The following ADGRF1 variants were observed in gnomAD, a reference collection of about 807,000 sequenced individuals.
ADGRF1 encodes the protein G protein-coupled receptor 110.
ADGRF1 carries 85 observed loss-of-function variants against 87.2 expected under a neutral mutation model. The ratio of observed to expected loss-of-function variants is 0.97; its 90% CI spans 0.82 to 1.17. The LOEUF is 1.17. Ranked by LOEUF, ADGRF1 falls within the 50% of genes most tolerant of loss-of-function variation. ADGRF1 has a pLI of 0.00. For synonymous variants in ADGRF1, 430 were observed against 408.8 expected, an observed-to-expected ratio of 1.05 and a Z score of -0.63; for missense variants, 1,169 against 1,077.2, an observed-to-expected ratio of 1.09 and a Z score of -1.19.
intron 4 of ADGRF1, 52 bp downstream of exon 4, chr6:47,025,802 T>A (rs575869950): frequency 6.6e-6 from 10 of 1,504,732 alleles, no homozygotes; most frequent in Non-Finnish European, 7.2e-6. Context: ...CTAGCCTGAC[T>A]GATATACCCG....
chr6:47,013,179 G>T, intron 9 of ADGRF1: 4 of 985,456 alleles, frequency 4.1e-6, no homozygotes, highest in Non-Finnish European at 4.8e-6. Context: ...TCAACATTAA[G>T]TCCACTCAGG....
chr6:47,009,428 G>C lies in ADGRF1; in HGVS notation c.2007C>G (p.Leu669=), dbSNP rs1779628943. 6.2e-7 allele frequency: 1 copy of C among 1,613,824 alleles called. No individual in the cohort carries two copies. Among genetic ancestry groups the C allele is most frequent in the South Asian group, 1.1e-5 (1 of 91,038 alleles). The part of the protein sequence containing the change: ...AAVFFTHFFY[L]SLFFWMLMLG... The stretch of plus-strand genomic sequence containing the variant: ...GCATGAGCATCCAGAAGAACAAAGA[G>C]AGGTAGAAGAAGTGTGTAAAGAACA... The change falls in exon 11 of 15, where the codon CTC becomes CTG. Residue 669 remains leucine (L), a synonymous_variant. Coordinates refer to ENST00000371253, the MANE Select transcript of ADGRF1 (RefSeq NM_153840.4).
intron 7 of ADGRF1, chr6:47,020,501 TCA>T: frequency 1.6e-6 from 2 of 1,285,182 alleles, no homozygotes; most frequent in Non-Finnish European, 2.1e-6. Context: ...TGACATTCTG[TCA>T]AAAAAAAAAA....
In ADGRF1 at chr6:47,009,291, A is replaced by G; in HGVS notation, c.2144T>C (p.Val715Ala). ...AGGTTGCGTGACAGCAATGGTAATG[A>G]CAGATATAATGAGAGGGCACCCATA... The part of the protein sequence containing the change: ...LGYGCPLIIS[V>A]ITIAVTQPSN... The change falls in exon 11 of 15, where the codon GTC becomes GCC. Residue 715 changes from valine to alanine, a missense_variant. Coordinates refer to ENST00000371253, the MANE Select transcript of ADGRF1 (RefSeq NM_153840.4). 6.2e-7 allele frequency: 1 copy of G among 1,614,178 alleles called. No homozygotes were observed. Among genetic ancestry groups the G allele is most frequent in the Non-Finnish European group, 8.5e-7 (1 of 1,180,016 alleles).
At chr6:47,030,576 A>ATGTGTGTTTGTG (rs1554137362) in intron 1 of ADGRF1, among the ~76,000 whole-genome samples, 1 of 138,464 alleles carries the variant, frequency 7.2e-6, no homozygotes, top group Non-Finnish European at 1.6e-5. Context: ...TAACATGAAT[A>ATGTGTGTTTGTG]TGTGTGTGTG....
chr6:47,022,850 G>A (rs921111917), intron 5 of ADGRF1, among the ~76,000 whole-genome samples: 3 of 138,206 alleles, frequency 2.2e-5, no homozygotes, highest in African/African-American at 8.4e-5. Flanking sequence ...TTGTCACCTA[G>A]GCTAGTGTGC....
Position 47,010,263 on chromosome 6 carries a change from G to C in ADGRF1, c.1172C>G (p.Thr391Arg), listed in dbSNP as rs570294927. Residue 391 changes from threonine (T) to arginine (R), a missense_variant, in exon 11 of 15, where the codon ACA becomes AGA. Transcript: ENST00000371253. ...ATACTTTTCTTCCCGCAGTAAGACT[G>C]TCCAGTTGGTTACTGAGGCTGAATT... is the stretch of plus-strand genomic sequence containing the variant. ...ILNSASVTNW[T>R]VLLREEKYAS... is the part of the protein sequence containing the mutation. 89 of 1,613,602 alleles carry C rather than the reference G, an allele frequency of 5.5e-5. No individual in the cohort carries two copies. In the Admixed American group the frequency reaches 1.1e-3, roughly 20 times the overall value.
At chr6:47,031,703 C>A (rs1482116731) in intron 1 of ADGRF1, among the ~76,000 whole-genome samples, 1 of 152,054 alleles carries the variant, frequency 6.6e-6, no homozygotes, top group Non-Finnish European at 1.5e-5. Flanking sequence ...TTGGACAGGT[C>A]AGGCCCAGCT....
intron 10 of ADGRF1, 133 bp from the exon 11 acceptor site, chr6:47,010,451 T>A (rs1216186269): frequency 1.3e-6 from 1 of 768,948 alleles, no homozygotes; most frequent in East Asian, 2.7e-5. Flanking sequence ...ACATTAAAAC[T>A]CATCAATCAA....
At chr6:47,005,142 G>A (rs563212894) in intron 13 of ADGRF1, among the ~76,000 whole-genome samples, 2 of 152,244 alleles carry the variant, frequency 1.3e-5, no homozygotes, top group South Asian at 4.1e-4. Context: ...GTGCCTCGCT[G>A]AAAAACAAAA....
chr6:47,014,708 C>T lies in ADGRF1; in HGVS notation c.900G>A (p.Val300=). Residue 300 remains valine (V), a synonymous_variant, in exon 9 of 15, where the codon GTG becomes GTA. Coordinates refer to ENST00000371253, the MANE Select transcript of ADGRF1 (RefSeq NM_153840.4). ...SGWQVIRETC[V]LSLLEELNKN... ...TGTTCAGTTCTTCAAGCAGAGAGAG[C>T]ACACAAGTCTCCCTGATGACCTGCC... 6.2e-7 allele frequency: 1 copy of T among 1,613,630 alleles called. No individual in the cohort carries two copies. The highest frequency in any genetic ancestry group is 1.7e-5 in the Admixed American group (1 of 60,000).
intron 9 of ADGRF1, chr6:47,013,356 C>T (rs1057047485): frequency 1.0e-6 from 1 of 985,586 alleles, no homozygotes; most frequent in Non-Finnish European, 1.2e-6. Context: ...ATCTAATCCC[C>T]TTCCCCAGTT....
intron 9 of ADGRF1, chr6:47,012,912 G>T (rs1779752901): frequency 1.8e-6 from 1 of 560,130 alleles, no homozygotes; most frequent in African/African-American, 2.1e-5. Context: ...TGGGATTACC[G>T]GCATGCACCA....
chr6:47,031,313 T>TCTGTCTCTC (rs1780416680), intron 1 of ADGRF1, among the ~76,000 whole-genome samples: 1 of 150,086 alleles, frequency 6.7e-6, no homozygotes, highest in Non-Finnish European at 1.5e-5. Flanking sequence ...TCTCTGTCTC[T>TCTGTCTCTC]CTGTCTCTCT....
At chr6:47,021,321 T>C (rs1186241336) in intron 6 of ADGRF1, among the ~76,000 whole-genome samples, 2 of 152,098 alleles carry the variant, frequency 1.3e-5, no homozygotes, top group African/African-American at 4.8e-5. Context: ...GTTTTCTTTA[T>C]AGAACAAATC....
At chr6:47,021,931 C>T (rs1164927965) in intron 6 of ADGRF1, 27 bp downstream of exon 6, 3 of 1,227,958 alleles carry the variant, frequency 2.4e-6, no homozygotes, top group East Asian at 2.4e-5. Flanking sequence ...CAAACGATTC[C>T]TTATATAATA....
chr6:47,022,425 T>C (rs1195686987), intron 5 of ADGRF1, among the ~76,000 whole-genome samples: 1 of 152,258 alleles, frequency 6.6e-6, no homozygotes, highest in Non-Finnish European at 1.5e-5. Context: ...ACAGCAACAC[T>C]ACTTGCTAAC....
Position 47,000,305 on chromosome 6 carries a change from A to T in ADGRF1, c.2660-10T>A, listed in dbSNP as rs819499. The T allele has an allele frequency of 6.7e-7, 1 of 1,501,604 alleles. No homozygotes were observed. Among genetic ancestry groups the T allele is most frequent in the Non-Finnish European group, 9.1e-7 (1 of 1,099,636 alleles). 93.0% of individuals were successfully genotyped at this position (1,501,604 alleles called of 1,614,324 possible). On this transcript the variant is annotated splice_polypyrimidine_tract_variant and intron_variant, in intron 14 of 14. Transcript: ENST00000371253. ...GAAAATGCATAATGGCCTGAAGGGG[A>T]AAAAAAAAGGAAATAATTATTGTTA...
At chr6:47,018,356 T>A in intron 7 of ADGRF1, 1 of 1,241,042 alleles carries the variant, frequency 8.1e-7, no homozygotes, top group Non-Finnish European at 1.0e-6. Flanking sequence ...AGAAGTTGGG[T>A]GAAAAAATTA....
Sources: allele counts gnomAD v4.1 joint callset (sites outside exome capture counted in the v4.1 genomes callset), GRCh38; gene constraint gnomAD v4.1.1; transcripts MANE v1.5; gene names NCBI Gene and HGNC (gene_info 2026-07-23, HGNC 2026-07-21).